The following GPC5 variants were observed in gnomAD, a reference collection of about 807,000 sequenced individuals.
The protein encoded by GPC5 is glypican-5.
Under a neutral mutation model 53.9 loss-of-function variants are expected in GPC5, and 47 were observed. The ratio of observed to expected loss-of-function variants is 0.87; its 90% CI spans 0.69 to 1.11. The LOEUF is 1.11. Among genes scored for constraint, GPC5 ranks in the 50% most tolerant of loss-of-function variants. The probability of loss-of-function intolerance (pLI) is 0.00; values close to 1 mark genes in which losing one functional copy is unlikely to be tolerated. For synonymous variants in GPC5, 286 were observed against 263.3 expected, an observed-to-expected ratio of 1.09 and a Z score of -0.84; for missense variants, 748 against 713.1, an observed-to-expected ratio of 1.05 and a Z score of -0.56.
intron 7 of GPC5, among the ~76,000 whole-genome samples, chr13:92,221,780 A>G (rs2042450857): frequency 6.6e-6 from 1 of 152,128 alleles, no homozygotes; most frequent in Admixed American, 6.6e-5. Context: ...ACTAGAATCC[A>G]GCTCTCAGGC....
intron 7 of GPC5, among the ~76,000 whole-genome samples, chr13:92,732,229 T>C (rs1888828448): frequency 6.6e-6 from 1 of 151,546 alleles, no homozygotes; most frequent in South Asian, 2.1e-4. Context: ...TTTCAAAAAT[T>C]AGAAACTTTA....
intron 1 of GPC5, among the ~76,000 whole-genome samples, chr13:91,420,226 C>T (rs1009993440): frequency 2.0e-5 from 3 of 149,768 alleles, no homozygotes; most frequent in Non-Finnish European, 4.4e-5. Context: ...GCCTAGTGAG[C>T]TTTCATACTT....
intron 2 of GPC5, among the ~76,000 whole-genome samples, chr13:91,681,623 G>A (rs1301390880): frequency 6.6e-6 from 1 of 152,088 alleles, no homozygotes; most frequent in Non-Finnish European, 1.5e-5. Flanking sequence ...CTTTGGCAGG[G>A]GAAAGAGTGG....
chr13:92,153,549 C>A (rs183347520), intron 7 of GPC5, among the ~76,000 whole-genome samples: 33 of 152,298 alleles, frequency 2.2e-4, no homozygotes, highest in African/African-American at 7.2e-4. Context: ...GCATTTGGTA[C>A]GATATGAACA....
chr13:92,787,068 C>T (rs148265933), intron 7 of GPC5, among the ~76,000 whole-genome samples: 1 of 152,226 alleles, frequency 6.6e-6, no homozygotes, highest in East Asian at 1.9e-4. Flanking sequence ...AGTAGAAGGG[C>T]CTTCATTGAG....
intron 2 of GPC5, among the ~76,000 whole-genome samples, chr13:91,607,170 C>T (rs1293380472): frequency 7.4e-6 from 1 of 134,464 alleles, no homozygotes; most frequent in Non-Finnish European, 1.6e-5. Flanking sequence ...ATATGGAGTT[C>T]TATTTTATCA....
At chr13:91,956,628 G>A (rs1307044084) in intron 6 of GPC5, among the ~76,000 whole-genome samples, 1 of 152,098 alleles carries the variant, frequency 6.6e-6, no homozygotes, top group African/African-American at 2.4e-5. Flanking sequence ...GACCTACCTG[G>A]CATCCCTATC....
chr13:92,695,152 G>A (rs549075578), intron 7 of GPC5, among the ~76,000 whole-genome samples: 76 of 152,238 alleles, frequency 5.0e-4, no homozygotes, highest in African/African-American at 1.8e-3. Context: ...AACTCAGGCA[G>A]TTCTTTATAT....
chr13:91,578,127 T>C (rs965662680), intron 2 of GPC5, among the ~76,000 whole-genome samples: 1 of 152,214 alleles, frequency 6.6e-6, no homozygotes, highest in Non-Finnish European at 1.5e-5. Flanking sequence ...CAAAGCTTCC[T>C]GCCCACAGCA....
intron 7 of GPC5, among the ~76,000 whole-genome samples, chr13:92,213,511 T>C (rs1327091936): frequency 6.6e-6 from 1 of 152,172 alleles, no homozygotes; most frequent in Non-Finnish European, 1.5e-5. Flanking sequence ...TAGTCAGTAA[T>C]TCCTTCTGAG....
intron 6 of GPC5, among the ~76,000 whole-genome samples, chr13:91,984,523 C>T (rs2138722685): frequency 6.6e-6 from 1 of 152,322 alleles, no homozygotes; most frequent in East Asian, 1.9e-4. Flanking sequence ...CTCACGTGGA[C>T]AACCCGTATG....
intron 7 of GPC5, among the ~76,000 whole-genome samples, chr13:92,659,679 A>C (rs953788997): frequency 2.0e-5 from 3 of 152,174 alleles, no homozygotes; most frequent in African/African-American, 7.2e-5. Flanking sequence ...TGGTGCAATT[A>C]CTTCAATAAT....
intron 7 of GPC5, among the ~76,000 whole-genome samples, chr13:92,358,805 G>A (rs150457283): frequency 7.2e-5 from 11 of 151,904 alleles, no homozygotes; most frequent in African/African-American, 1.2e-4. Flanking sequence ...TTAGGGCAGC[G>A]GGGCCCTGGG....
In GPC5 at chr13:92,539,805, T is replaced by C. The variant is rs75846357; in HGVS notation, c.1562-326477T>C. Among the ~76,000 whole-genome samples the C allele has an allele frequency of 9.2e-3, 1,406 of 152,104 alleles. 24 individuals carry two copies. Among genetic ancestry groups the C allele is most frequent in the African/African-American group, 0.032 (1,310 of 41,524 alleles). On this transcript the variant is annotated intron_variant, in intron 7 of 7. Transcript: ENST00000377067. ...CATTTTGATCATGTCTTCTATATCA[T>C]TTTCCCTGGCTTAAACATTTTGAGA...
intron 6 of GPC5, among the ~76,000 whole-genome samples, chr13:92,064,484 G>A (rs1481222569): frequency 6.6e-6 from 1 of 152,110 alleles, no homozygotes; most frequent in Admixed American, 6.5e-5. Flanking sequence ...GCGGCCTGGC[G>A]CGGTGGCTCA....
chr13:91,564,279 AC>A (rs2031426385), intron 2 of GPC5, among the ~76,000 whole-genome samples: 1 of 152,144 alleles, frequency 6.6e-6, no homozygotes, highest in African/African-American at 2.4e-5. Flanking sequence ...TATGATCTAT[AC>A]CATAACTCCT....
At chr13:91,901,344 A>C in intron 5 of GPC5, among the ~76,000 whole-genome samples, 1 of 152,068 alleles carries the variant, frequency 6.6e-6, no homozygotes, top group East Asian at 1.9e-4. Context: ...GGATCACAAA[A>C]GGCTTAATCA....
chr13:91,942,768 T>A (rs2039939681), intron 6 of GPC5, among the ~76,000 whole-genome samples: 1 of 152,070 alleles, frequency 6.6e-6, no homozygotes, highest in Non-Finnish European at 1.5e-5. Context: ...AGACAATAAG[T>A]TGGTGCCTTT....
intron 7 of GPC5, among the ~76,000 whole-genome samples, chr13:92,567,565 C>A (rs562109531): frequency 1.2e-4 from 18 of 151,952 alleles, no homozygotes; most frequent in Non-Finnish European, 2.5e-4. Context: ...CTTAATGTAA[C>A]CAAAAGGGGC....
Sources: gnomAD v4.1 joint callset for allele counts (sites outside exome capture counted in the v4.1 genomes callset) on GRCh38, gnomAD v4.1.1 for gene constraint, MANE v1.5 for transcripts, NCBI Gene and HGNC (gene_info 2026-07-23, HGNC 2026-07-21) for gene names.